The following SHISA5 variants were observed in gnomAD, a reference collection of about 807,000 sequenced individuals.
SHISA5 encodes the protein shisa family member 5.
In SHISA5, 21 loss-of-function variants were observed where a neutral mutation model predicts 27.5. The ratio of observed to expected loss-of-function variants is 0.76; its 90% CI spans 0.54 to 1.10. The LOEUF (loss-of-function observed/expected upper bound fraction) is 1.10. Among genes scored for constraint, SHISA5 ranks in the 50% least tolerant of loss-of-function variants. The pLI is 0.00. For synonymous variants in SHISA5, 137 were observed against 142.2 expected, an observed-to-expected ratio of 0.96 and a Z score of 0.26; for missense variants, 314 against 336.3, an observed-to-expected ratio of 0.93 and a Z score of 0.52.
intron 3 of SHISA5, among the ~76,000 whole-genome samples, chr3:48,471,578 A>AAAAAAAAAACT (rs199983750): frequency 2.6e-5 from 3 of 113,620 alleles, no homozygotes; most frequent in Admixed American, 1.1e-4. Flanking sequence ...AAAAAAAAAA[A>AAAAAAAAAACT]GTCAGCCTTA....
chr3:48,491,383 G>T (rs1224760695), intron 2 of SHISA5, among the ~76,000 whole-genome samples: 2 of 152,098 alleles, frequency 1.3e-5, no homozygotes, highest in African/African-American at 4.8e-5. Flanking sequence ...CTCCCAAAGT[G>T]CTGGGATTAC....
chr3:48,499,916 TAGA>T (rs1471824224), intron 2 of SHISA5, among the ~76,000 whole-genome samples: 8 of 96,584 alleles, frequency 8.3e-5, no homozygotes, highest in Non-Finnish European at 1.3e-4. Context: ...GGTGAAAGGG[TAGA>T]AGAAGACCTG....
intron 1 of SHISA5, 49 bp from the exon 2 acceptor site, chr3:48,501,342 C>G: frequency 6.3e-7 from 1 of 1,586,210 alleles, no homozygotes; most frequent in Middle Eastern, 1.7e-4. Context: ...GGCCAGGCCC[C>G]AGCAGACACA....
intron 1 of SHISA5, among the ~76,000 whole-genome samples, 188 bp from the exon 2 acceptor site, chr3:48,501,481 G>A (rs1238787149): frequency 6.6e-6 from 1 of 152,030 alleles, no homozygotes; most frequent in Admixed American, 6.6e-5. Context: ...CCTATCCCAC[G>A]GGCCACAACA....
chr3:48,493,623 C>T (rs1560132697), intron 2 of SHISA5, among the ~76,000 whole-genome samples: 2 of 138,490 alleles, frequency 1.4e-5, no homozygotes, highest in Admixed American at 1.4e-4. Context: ...CTCTGCCCAC[C>T]GGGTTCAAGC....
At chr3:48,498,534 A>C (rs2041635692) in intron 2 of SHISA5, among the ~76,000 whole-genome samples, 1 of 151,920 alleles carries the variant, frequency 6.6e-6, no homozygotes, top group African/African-American at 2.4e-5. Context: ...TAAAATACAA[A>C]AAATTAGCCA....
In SHISA5 at chr3:48,469,339, T is replaced by C. The variant is rs768848651; in HGVS notation, c.643+22A>G. 1 of 1,575,160 alleles carries C rather than the reference T, an allele frequency of 6.3e-7. No individual in the cohort carries two copies. Among genetic ancestry groups the C allele is most frequent in the Non-Finnish European group, 8.6e-7 (1 of 1,158,792 alleles). The stretch of plus-strand genomic sequence containing the variant: ...AGAGACTCGGGAAGTCGGGCAGGGC[T>C]AGAGTTGGCAGGGGCACTCACCAGC... On this transcript the variant is annotated intron_variant, in intron 5 of 5. Transcript: ENST00000296444. This position sits in a 1 kb window ranked among gnomAD's most constrained non-coding sequence, Gnocchi z 4.6.
At chr3:48,471,640 C>T (rs931179932) in intron 3 of SHISA5, among the ~76,000 whole-genome samples, 5 of 149,992 alleles carry the variant, frequency 3.3e-5, no homozygotes, top group Admixed American at 2.0e-4. Flanking sequence ...CGGTTGGGTG[C>T]GGTGGCTCAC....
At position 48,479,176 on chromosome 3, in the gene SHISA5, C is replaced by T. The variant is rs781661394; in HGVS notation, c.314+1G>A. Reference sequence around the variant, plus strand: ...GCACCCAGCCAGCAGGCTTTACTTACCCTGACATGGGGTCGTTGTAGCCAG... The same window carrying T: ...GCACCCAGCCAGCAGGCTTTACTTATCCTGACATGGGGTCGTTGTAGCCAG... On this transcript the variant is annotated splice_donor_variant, in intron 3 of 5. Coordinates refer to ENST00000296444, the MANE Select transcript of SHISA5 (RefSeq NM_016479.6). LOFTEE classifies it high-confidence loss of function. 2 of 1,607,278 alleles carry T rather than the reference C, an allele frequency of 1.2e-6. No individual in the cohort carries two copies. Among genetic ancestry groups the T allele is most frequent in the South Asian group, 2.2e-5 (2 of 89,696 alleles).
intron 2 of SHISA5, among the ~76,000 whole-genome samples, chr3:48,500,859 A>G (rs2041732313): frequency 6.6e-6 from 1 of 152,280 alleles, no homozygotes; most frequent in Admixed American, 6.5e-5. Flanking sequence ...GGTGAGTCAC[A>G]GGACCAGCTG....
rs1460485005 is a variant in SHISA5, at chr3:48,495,756, C to T, written c.233+5381G>A. On this transcript the variant is annotated intron_variant, in intron 2 of 5. Coordinates refer to ENST00000296444, the MANE Select transcript of SHISA5 (RefSeq NM_016479.6). ...CAGCCTGATCTCGAACTCCAGACCT[C>T]GTGATCTGCCCACCTCAGCCTTCCA... Among the ~76,000 whole-genome samples the T allele has an allele frequency of 8.8e-5, 13 of 147,354 alleles. 1 individual carries two copies. Among genetic ancestry groups the T allele is most frequent in the South Asian group, 4.2e-4 (2 of 4,748 alleles).
At chr3:48,475,244 G>A (rs1434979463) in intron 3 of SHISA5, among the ~76,000 whole-genome samples, 2 of 152,152 alleles carry the variant, frequency 1.3e-5, no homozygotes, top group East Asian at 1.9e-4. Flanking sequence ...GTTGCAGAGC[G>A]GGGCTAGGGT....
chr3:48,483,283 G>A lies in SHISA5; in HGVS notation c.234-4026C>T, dbSNP rs1450353442. ...TGGGTACTTGAGATTAGGGAGTGGT[G>A]ATGACTCTTAAGGAGCATGCTGCCT... On this transcript the variant is annotated intron_variant, in intron 2 of 5. Transcript: ENST00000296444. Among the ~76,000 whole-genome samples the A allele has an allele frequency of 5.3e-5, 8 of 151,954 alleles. No individual in the cohort carries two copies. The East Asian group carries it at 5.8e-4, about 11-fold the overall frequency.
At chr3:48,472,451 G>A (rs2040667509) in intron 3 of SHISA5, among the ~76,000 whole-genome samples, 1 of 152,140 alleles carries the variant, frequency 6.6e-6, no homozygotes, top group Non-Finnish European at 1.5e-5. Flanking sequence ...AGCAGAGATC[G>A]CGCCACTGCA....
chr3:48,492,237 G>A (rs370565280), intron 2 of SHISA5, among the ~76,000 whole-genome samples: 3 of 147,638 alleles, frequency 2.0e-5, no homozygotes, highest in Admixed American at 1.4e-4. Flanking sequence ...TTGGGAGGCC[G>A]AGGCGGGCGG....
chr3:48,472,885 A>C, intron 3 of SHISA5: 2 of 1,012,644 alleles, frequency 2.0e-6, no homozygotes, highest in South Asian at 2.8e-5. Flanking sequence ...AGAGGCAGGA[A>C]TGGAGAAACG....
Position 48,473,456 on chromosome 3 carries a change from A to G in SHISA5, c.315-3613T>C. 7.7e-7 allele frequency: 1 copy of G among 1,295,150 alleles called. No homozygotes were observed. Among genetic ancestry groups the G allele is most frequent in the Non-Finnish European group, 1.0e-6 (1 of 992,862 alleles). 80.2% of individuals were successfully genotyped at this position (1,295,150 alleles called of 1,614,324 possible). A position where few individuals can be genotyped will look rare whatever the true frequency, so the allele number is the denominator to read the frequency against. ...CACCGGCCCTGTTCCACCAGCCTCCAGGAGGAGCTTCTGCATCCATCTAGG... is the reference window on the plus strand; with the variant it reads ...CACCGGCCCTGTTCCACCAGCCTCCGGGAGGAGCTTCTGCATCCATCTAGG... On this transcript the variant is annotated intron_variant, in intron 3 of 5. Transcript: ENST00000296444. The surrounding 1 kb of genome is among the most constrained non-coding windows in gnomAD (Gnocchi z 4.3).
chr3:48,482,340 G>A (rs933085972), intron 2 of SHISA5, among the ~76,000 whole-genome samples: 2 of 151,860 alleles, frequency 1.3e-5, no homozygotes, highest in Non-Finnish European at 2.9e-5. Context: ...AGGAGTTCCA[G>A]GCTGCAGTGA....
intron 2 of SHISA5, among the ~76,000 whole-genome samples, chr3:48,499,145 C>T (rs1245142650): frequency 6.6e-6 from 1 of 151,706 alleles, no homozygotes; most frequent in Non-Finnish European, 1.5e-5. Flanking sequence ...CAAATATAAC[C>T]CCAGAATATC....
Sources: allele counts gnomAD v4.1 joint callset (sites outside exome capture counted in the v4.1 genomes callset), GRCh38; gene constraint gnomAD v4.1.1; non-coding constraint Gnocchi (gnomAD v3.1); transcripts MANE v1.5; gene names NCBI Gene and HGNC (gene_info 2026-07-23, HGNC 2026-07-21).